The following RASAL2 variants were observed in gnomAD, a reference collection of about 807,000 sequenced individuals.
The protein encoded by RASAL2 is ras GTPase-activating protein nGAP.
In RASAL2, 58 loss-of-function variants were observed where a neutral mutation model predicts 128.9. The ratio of observed to expected loss-of-function variants is 0.45; its 90% CI spans 0.36 to 0.56. The LOEUF (loss-of-function observed/expected upper bound fraction) is 0.56. Ranked by LOEUF, RASAL2 falls within the 20% of genes least tolerant of loss-of-function variation. The pLI, the probability that RASAL2 is intolerant of heterozygous loss-of-function variation, is 0.00. For synonymous variants in RASAL2, 561 were observed against 580.8 expected (o/e 0.97, Z 0.49); for missense variants, 1,360 against 1,601.6 (o/e 0.85, Z 2.57).
chr1:178,170,515 T>C (rs1009959100), intron 1 of RASAL2, among the ~76,000 whole-genome samples: 3 of 151,806 alleles, frequency 2.0e-5, no homozygotes, highest in Non-Finnish European at 4.4e-5. Flanking sequence ...TTAATATTTA[T>C]TCATATGTAT....
At chr1:178,325,750 A>G (rs1669006825) in intron 3 of RASAL2, among the ~76,000 whole-genome samples, 1 of 152,206 alleles carries the variant, frequency 6.6e-6, no homozygotes, top group East Asian at 1.9e-4. Context: ...TCACTGATAC[A>G]GTATAGAGTT....
At chr1:178,118,949 C>T (rs557457068) in intron 1 of RASAL2, among the ~76,000 whole-genome samples, 7 of 152,166 alleles carry the variant, frequency 4.6e-5, no homozygotes, top group African/African-American at 1.7e-4. Context: ...CTCACTGCAA[C>T]CTCTGCCTCC....
At chr1:178,199,738 G>C (rs892949076) in intron 1 of RASAL2, among the ~76,000 whole-genome samples, 4 of 152,062 alleles carry the variant, frequency 2.6e-5, no homozygotes, top group East Asian at 1.9e-4. Flanking sequence ...ATGGTTAATA[G>C]TGTCAACTTA....
chr1:178,467,244 A>T (rs1014396083), intron 16 of RASAL2, 90 bp from the exon 17 acceptor site: 1 of 988,672 alleles, frequency 1.0e-6, no homozygotes, highest in African/African-American at 1.6e-5. Flanking sequence ...GTCTTATTAA[A>T]AAGGGCAGAG....
chr1:178,343,363 C>T (rs545144587), intron 3 of RASAL2, among the ~76,000 whole-genome samples: 2 of 152,282 alleles, frequency 1.3e-5, no homozygotes, highest in South Asian at 4.1e-4. Context: ...ATTATTTAAG[C>T]ACTGTTTTTA....
chr1:178,140,873 T>C (rs2102329579), intron 1 of RASAL2, among the ~76,000 whole-genome samples: 1 of 152,334 alleles, frequency 6.6e-6, no homozygotes, highest in African/African-American at 2.4e-5. Flanking sequence ...GACTGTTAAT[T>C]TATAAAGAAA....
At chr1:178,299,629 C>G (rs2862320) in intron 2 of RASAL2, among the ~76,000 whole-genome samples, 1 of 151,920 alleles carries the variant, frequency 6.6e-6, no homozygotes, top group Non-Finnish European at 1.5e-5. Flanking sequence ...TCCCAAGTAG[C>G]TGGGACTACA....
intron 3 of RASAL2, among the ~76,000 whole-genome samples, chr1:178,323,022 G>A (rs1668868320): frequency 6.6e-6 from 1 of 152,074 alleles, no homozygotes; most frequent in African/African-American, 2.4e-5. Flanking sequence ...TCTACCTTCT[G>A]TATGTAGAAA....
Position 178,250,346 on chromosome 1 carries a change from T to G in RASAL2, c.203-33218T>G, listed in dbSNP as rs919252380. On this transcript the variant is annotated intron_variant, in intron 1 of 17. Coordinates refer to ENST00000367649, the MANE Select transcript of RASAL2 (RefSeq NM_170692.4). ...CTGTGCTGTGTTGAGTTCTGCCCAG[T>G]CCAAACTCCCAGGCCTCCTTAGCAC... Among the ~76,000 whole-genome samples, 5 of 152,252 alleles carry G rather than the reference T, an allele frequency of 3.3e-5. No homozygotes were observed. The South Asian group carries it at 1.0e-3, about 32-fold the overall frequency.
chr1:178,155,081 C>T (rs1320746194), intron 1 of RASAL2, among the ~76,000 whole-genome samples: 2 of 152,132 alleles, frequency 1.3e-5, no homozygotes, highest in African/African-American at 4.8e-5. Flanking sequence ...CCTTGGCCTC[C>T]CAAAGTGCTG....
chr1:178,280,057 C>A (rs748427819), intron 1 of RASAL2, among the ~76,000 whole-genome samples: 1 of 152,042 alleles, frequency 6.6e-6, no homozygotes, highest in African/African-American at 2.4e-5. Context: ...TAACAGAATA[C>A]GAAAAGTTCA....
chr1:178,139,010 A>C (rs1660436966), intron 1 of RASAL2, among the ~76,000 whole-genome samples: 1 of 152,088 alleles, frequency 6.6e-6, no homozygotes, highest in Non-Finnish European at 1.5e-5. Context: ...AGAAAGGTAA[A>C]TTCCTTGTTG....
intron 9 of RASAL2, among the ~76,000 whole-genome samples, chr1:178,445,988 T>C (rs1676972581): frequency 6.6e-6 from 1 of 152,210 alleles, no homozygotes; most frequent in Admixed American, 6.5e-5. Context: ...GTTTATATGA[T>C]GATATTATTA....
rs757987083 is a variant in RASAL2 at position 178,292,273 on chromosome 1, G to C, written c.331-7719G>C. ...CTGAATCCTTAGCCAGGCACTGCTG[G>C]AATGTGGGAGGATTATATTAGTCTA... is the stretch of plus-strand genomic sequence containing the variant. On this transcript the variant is annotated intron_variant, in intron 2 of 17. Transcript: ENST00000367649. 3.9e-5 allele frequency among the ~76,000 whole-genome samples: 6 copies of C among 152,188 alleles called. No individual in the cohort carries two copies. In the South Asian group the frequency reaches 1.2e-3, roughly 31 times the overall value.
intron 1 of RASAL2, among the ~76,000 whole-genome samples, chr1:178,274,569 T>C (rs1666407635): frequency 6.6e-6 from 1 of 152,166 alleles, no homozygotes; most frequent in Non-Finnish European, 1.5e-5. Context: ...AGTGCCATGC[T>C]AGTTTTTCTT....
At chr1:178,360,827 G>C (rs904400603) in intron 3 of RASAL2, among the ~76,000 whole-genome samples, 1 of 152,198 alleles carries the variant, frequency 6.6e-6, no homozygotes. Flanking sequence ...AATGTTTGGT[G>C]TTCCTTGGTT....
intron 12 of RASAL2, chr1:178,456,508 G>A: frequency 3.1e-6 from 2 of 652,550 alleles, no homozygotes; most frequent in Non-Finnish European, 2.7e-6. Context: ...CTCGATGTCT[G>A]CCGCACCTTG....
chr1:178,272,296 C>G (rs924670100), intron 1 of RASAL2, among the ~76,000 whole-genome samples: 1 of 152,070 alleles, frequency 6.6e-6, no homozygotes, highest in Admixed American at 6.5e-5. Flanking sequence ...CCGGACTATA[C>G]GTCAGAATAA....
At chr1:178,407,599 AT>A (rs1320323602) in intron 4 of RASAL2, among the ~76,000 whole-genome samples, 1 of 152,190 alleles carries the variant, frequency 6.6e-6, no homozygotes, top group African/African-American at 2.4e-5. Flanking sequence ...ATCAGGTAAC[AT>A]TTTGAGAAAT....
Sources: allele counts gnomAD v4.1 joint callset (sites outside exome capture counted in the v4.1 genomes callset), GRCh38; gene constraint gnomAD v4.1.1; transcripts MANE v1.5; gene names NCBI Gene and HGNC (gene_info 2026-07-23, HGNC 2026-07-21).